The following ERBB2 variants were observed in gnomAD, a reference collection of about 807,000 sequenced individuals.
ERBB2 encodes the protein erb-b2 receptor tyrosine kinase 2, also known as receptor tyrosine-protein kinase erbB-2.
A neutral mutation model predicts 149.0 loss-of-function variants in ERBB2; 61 were observed. The observed-to-expected ratio is 0.41, with a 90% CI of 0.33 to 0.51. The LOEUF is 0.51. ERBB2 is among the 20% of genes least tolerant of loss of function. ERBB2 has a pLI of 0.25. For synonymous variants in ERBB2, 633 were observed against 678.8 expected (o/e 0.93, Z 1.05); for missense variants, 1,205 against 1,655.1 (o/e 0.73, Z 4.72).
At chr17:39,697,134 C>G (rs1468410284), upstream of ERBB2, among the ~76,000 whole-genome samples, 1 of 152,034 alleles carries the variant, frequency 6.6e-6, no homozygotes, top group African/African-American at 2.4e-5. Context: ...TACCTCAGTT[C>G]CCCTGATCCT....
upstream of ERBB2, among the ~76,000 whole-genome samples, chr17:39,691,934 C>CATATATATATATATAT (rs57592884): frequency 1.1e-3 from 131 of 120,778 alleles, no homozygotes; most frequent in African/African-American, 4.6e-3. Flanking sequence ...TATACATATA[C>CATATATATATATATAT]ATATATATAT....
rs1473418882 is a variant in ERBB2, at chr17:39,710,094, A to G, written c.652A>G (p.Thr218Ala). Residue 218 changes from threonine to alanine, a missense_variant, in exon 6 of 27, where the codon ACT becomes GCT. By Grantham distance (58) the Thr-to-Ala change is moderately conservative. This residue lies in a region of ERBB2 where 569 missense variants were observed against 803.5 expected (regional missense o/e 0.71). Coordinates refer to ENST00000269571, the MANE Select transcript of ERBB2 (RefSeq NM_004448.4). The part of the protein sequence containing the change: ...SSEDCQSLTR[T>A]VCAGGCARCK... ...TGCCCTTTGCCCAACAGTGACGCGC[A>G]CTGTCTGTGCCGGTGGCTGTGCCCG... 1.9e-6 allele frequency: 3 copies of G among 1,607,392 alleles called. No homozygotes were observed. The highest frequency in any genetic ancestry group is 2.5e-6 in the Non-Finnish European group (3 of 1,178,432).
upstream of ERBB2, among the ~76,000 whole-genome samples, chr17:39,693,840 G>T (rs536544138): frequency 6.6e-6 from 1 of 150,424 alleles, no homozygotes; most frequent in Non-Finnish European, 1.5e-5. Flanking sequence ...TGTAATCCCA[G>T]CACTTTGGGA....
chr17:39,725,362 C>T lies in ERBB2; in HGVS notation c.2685C>T (p.Leu895=), dbSNP rs1295099903. 6.2e-7 allele frequency: 1 copy of T among 1,614,028 alleles called. No homozygotes were observed. Among genetic ancestry groups the T allele is most frequent in the South Asian group, 1.1e-5 (1 of 91,084 alleles). The change falls in exon 22 of 27, where the codon CTC becomes CTT. Residue 895 remains leucine (L), a synonymous_variant. Transcript: ENST00000269571. The surrounding 1 kb of genome is among the most constrained non-coding windows in gnomAD (Gnocchi z 4.6). ...PIKWMALESI[L]RRRFTHQSDV... is the part of the protein sequence containing the mutation. The stretch of plus-strand genomic sequence containing the variant: ...AGTGGATGGCGCTGGAGTCCATTCT[C>T]CGCCGGCGGTTCACCCACCAGAGTG...
At chr17:39,716,670 G>A (rs2059149783) in intron 14 of ERBB2, 65 bp downstream of exon 14, 6 of 1,434,032 alleles carry the variant, frequency 4.2e-6, no homozygotes, top group Admixed American at 1.8e-5. Context: ...CAGGGACTTG[G>A]CAGGATGGCG....
rs542908215 is a variant in ERBB2 at position 39,705,196 on chromosome 17, A to G, written c.74-1794A>G. 4.0e-5 allele frequency among the ~76,000 whole-genome samples: 6 copies of G among 151,374 alleles called. No homozygotes were observed. In the South Asian group the frequency reaches 1.3e-3, roughly 32 times the overall value. ...CAGCTCAGTTACTGTGGCGGCCCCC[A>G]CTCCCCATTGTTGTTGTTTTCCTAT... is the stretch of plus-strand genomic sequence containing the variant. On this transcript the variant is annotated intron_variant, in intron 1 of 26. Transcript: ENST00000269571.
At chr17:39,692,008 C>T (rs930761150), upstream of ERBB2, among the ~76,000 whole-genome samples, 6 of 149,218 alleles carry the variant, frequency 4.0e-5, no homozygotes, top group African/African-American at 1.5e-4. Flanking sequence ...TGTGTGCCAC[C>T]ACATCCGGCT....
upstream of ERBB2, among the ~76,000 whole-genome samples, chr17:39,699,821 T>C (rs1455120836): frequency 6.6e-6 from 1 of 152,176 alleles, no homozygotes; most frequent in Non-Finnish European, 1.5e-5. Context: ...TTAGGGATTC[T>C]CCGAGGAAAA....
Position 39,710,427 on chromosome 17 carries a change from C to T in ERBB2, c.847C>T (p.Pro283Ser). The stretch of plus-strand genomic sequence containing the variant: ...CAACACAGACACGTTTGAGTCCATG[C>T]CCAATCCCGAGGGCCGGTATACATT... The part of the protein sequence containing the change: ...TYNTDTFESM[P>S]NPEGRYTFGA... The change falls in exon 7 of 27, where the codon CCC (proline) becomes TCC (serine). Residue 283 changes from proline (P) to serine (S), a missense_variant. Physicochemically the swap from Pro to Ser is moderately conservative, Grantham distance 74 (BLOSUM62 -1). Coordinates refer to ENST00000269571, the MANE Select transcript of ERBB2 (RefSeq NM_004448.4). The T allele has an allele frequency of 6.2e-7, 1 of 1,614,114 alleles. No homozygotes were observed. Among genetic ancestry groups the T allele is most frequent in the Non-Finnish European group, 8.5e-7 (1 of 1,180,044 alleles).
At chr17:39,691,556 A>AAAAAAAAAAAAAAAATATATAT (rs573116217), upstream of ERBB2, among the ~76,000 whole-genome samples, 1 of 84,202 alleles carries the variant, frequency 1.2e-5, no homozygotes, top group African/African-American at 5.0e-5. Context: ...TAAAAAAAAA[A>AAAAAAAAAAAAAAAATATATAT]ATATATATAT....
At chr17:39,691,556 A>AAAAAAAAAAAAAATATATATATAT (rs573116217), upstream of ERBB2, among the ~76,000 whole-genome samples, 2 of 84,180 alleles carry the variant, frequency 2.4e-5, no homozygotes, top group African/African-American at 1.0e-4. Context: ...TAAAAAAAAA[A>AAAAAAAAAAAAAATATATATATAT]ATATATATAT....
rs1358450766 is a variant in ERBB2 at position 39,706,663 on chromosome 17, T to A, written c.74-327T>A. ...TACCCCTTTGCCCTGAGTTGTGCCT[T>A]TGGGACAAAGGAAGCCTTTCTTTGC... On this transcript the variant is annotated intron_variant, in intron 1 of 26. Transcript: ENST00000269571. The A allele has an allele frequency of 5.5e-5, 13 of 236,914 alleles. No individual in the cohort carries two copies. The East Asian group carries it at 9.9e-4, about 18-fold the overall frequency. 14.7% of individuals were successfully genotyped at this position (236,914 alleles called of 1,614,324 possible). A position where few individuals can be genotyped will look rare whatever the true frequency, so the allele number is the denominator to read the frequency against.
rs1182661036 is a variant in ERBB2, at chr17:39,710,095, C to T, written c.653C>T (p.Thr218Ile). ...SSEDCQSLTR[T>I]VCAGGCARCK... ...GCCCTTTGCCCAACAGTGACGCGCACTGTCTGTGCCGGTGGCTGTGCCCGC... is the reference window on the plus strand; with the variant it reads ...GCCCTTTGCCCAACAGTGACGCGCATTGTCTGTGCCGGTGGCTGTGCCCGC... The change falls in exon 6 of 27, where the codon ACT (threonine) becomes ATT (isoleucine). Residue 218 changes from threonine (T) to isoleucine (I), a missense_variant. By Grantham distance (89) the Thr-to-Ile change is moderately conservative. This residue lies in a region of ERBB2 where 569 missense variants were observed against 803.5 expected (regional missense o/e 0.71). Coordinates refer to ENST00000269571, the MANE Select transcript of ERBB2 (RefSeq NM_004448.4). 6.2e-7 allele frequency: 1 copy of T among 1,607,788 alleles called. No individual in the cohort carries two copies. The highest frequency in any genetic ancestry group is 1.1e-5 in the South Asian group (1 of 90,972).
upstream of ERBB2, among the ~76,000 whole-genome samples, chr17:39,699,782 G>A (rs2057976750): frequency 6.6e-6 from 1 of 152,240 alleles, no homozygotes; most frequent in African/African-American, 2.4e-5. Context: ...GGACTCCGGG[G>A]GAGGGGGCAG....
chr17:39,728,057 AGT>A lies in ERBB2; in HGVS notation c.*14_*15del. The stretch of plus-strand genomic sequence containing the variant: ...CGTGCCAGTGTGAACCAGAAGGCCA[AGT>A]CCGCAGAAGCCCTGATGTGTCCTCA... On this transcript the variant is annotated 3_prime_UTR_variant, in exon 27 of 27. Transcript: ENST00000269571. 6.5e-7 allele frequency: 1 copy of A among 1,544,242 alleles called. No individual in the cohort carries two copies. Among genetic ancestry groups the A allele is most frequent in the Non-Finnish European group, 8.8e-7 (1 of 1,139,994 alleles).
At position 39,715,923 on chromosome 17, in the gene ERBB2, G is replaced by A. The variant is rs1263209138; in HGVS notation, c.1497G>A (p.Arg499=). The A allele has an allele frequency of 6.2e-7, 1 of 1,610,032 alleles. No homozygotes were observed. The highest frequency in any genetic ancestry group is 2.2e-5 in the East Asian group (1 of 44,886). ...AAGCTCTGCTCCACACTGCCAACCGGCCAGAGGACGAGTGTGGTAAGACAG... is the reference window on the plus strand; with the variant it reads ...AAGCTCTGCTCCACACTGCCAACCGACCAGAGGACGAGTGTGGTAAGACAG... The part of the protein sequence containing the change: ...PHQALLHTAN[R]PEDECVGEGL... The change falls in exon 12 of 27, where the codon CGG becomes CGA. Residue 499 remains arginine, a synonymous_variant. Coordinates refer to ENST00000269571, the MANE Select transcript of ERBB2 (RefSeq NM_004448.4).
intron 9 of ERBB2, 33 bp downstream of exon 9, chr17:39,712,481 CA>C: frequency 6.2e-7 from 1 of 1,609,054 alleles, no homozygotes; most frequent in Non-Finnish European, 8.5e-7. Flanking sequence ...GAGACAGTGT[CA>C]GGGCAGACAG....
In ERBB2 at chr17:39,727,784, C is replaced by A. The variant is rs1058808; in HGVS notation, c.3508C>A (p.Pro1170Thr). 1.2e-6 allele frequency: 2 copies of A among 1,612,376 alleles called. 1 individual carries two copies. The highest frequency in any genetic ancestry group is 2.2e-5 in the South Asian group (2 of 90,922). The change falls in exon 27 of 27, where the codon CCC (proline) becomes ACC (threonine). Residue 1170 changes from proline (P) to threonine (T), a missense_variant. Around this residue, in one of 6 missense-constraint regions of ERBB2, gnomAD observed 312 missense variants for 343.8 expected, o/e 0.91. Transcript: ENST00000269571. The surrounding 1 kb of genome is among the most constrained non-coding windows in gnomAD (Gnocchi z 4.3). The part of the protein sequence containing the change: ...ARPAGATLER[P>T]KTLSPGKNGV... Reference sequence around the variant, plus strand: ...ACCTGCTGGTGCCACTCTGGAAAGGCCCAAGACTCTCTCCCCAGGGAAGAA... The same window carrying A: ...ACCTGCTGGTGCCACTCTGGAAAGGACCAAGACTCTCTCCCCAGGGAAGAA...
At chr17:39,698,958 T>TA (rs71149792), upstream of ERBB2, among the ~76,000 whole-genome samples, 4,305 of 137,874 alleles carry the variant, frequency 0.031, 71 homozygotes, top group Non-Finnish European at 0.045. Flanking sequence ...TTGTTGAAAT[T>TA]AAAAAAAAAA....
Sources: gnomAD v4.1 joint callset for allele counts (sites outside exome capture counted in the v4.1 genomes callset) on GRCh38, gnomAD v4.1.1 for gene constraint, gnomAD v4.1.1 regional missense constraint, Gnocchi (gnomAD v3.1) non-coding constraint, MANE v1.5 for transcripts, NCBI Gene and HGNC (gene_info 2026-07-23, HGNC 2026-07-21) for gene names.